The following CCSER1 variants were observed in gnomAD, a reference collection of about 807,000 sequenced individuals.
CCSER1 encodes the protein serine-rich coiled-coil domain-containing protein 1.
CCSER1 carries 41 observed loss-of-function variants against 82.0 expected under a neutral mutation model. That is an observed-to-expected ratio of 0.50 (90% CI 0.39 to 0.65). The LOEUF (loss-of-function observed/expected upper bound fraction) is 0.65, where lower values mean the gene tolerates loss of function less well. CCSER1 is among the 30% of genes least tolerant of loss of function. The pLI, the probability that CCSER1 is intolerant of heterozygous loss-of-function variation, is 0.00. For synonymous variants in CCSER1, 414 were observed against 383.9 expected (o/e 1.08, Z -0.92); for missense variants, 1,119 against 1,064.2 (o/e 1.05, Z -0.72).
chr4:91,064,405 A>G (rs1744192706), intron 9 of CCSER1, among the ~76,000 whole-genome samples: 1 of 152,220 alleles, frequency 6.6e-6, no homozygotes, highest in South Asian at 2.1e-4. Flanking sequence ...CACATCCAGC[A>G]AAGTCTGGAG....
intron 10 of CCSER1, among the ~76,000 whole-genome samples, chr4:91,549,869 C>T (rs1239215115): frequency 2.0e-5 from 3 of 151,792 alleles, no homozygotes; most frequent in Non-Finnish European, 4.4e-5. Flanking sequence ...TTCGGTGAGC[C>T]AGTGTCTACA....
chr4:91,169,958 A>C (rs1732581312), intron 10 of CCSER1, among the ~76,000 whole-genome samples: 1 of 152,218 alleles, frequency 6.6e-6, no homozygotes, highest in Non-Finnish European at 1.5e-5. Context: ...CCACTGTTGT[A>C]GTCACTATGG....
At chr4:91,101,502 G>A (rs1725048333) in intron 10 of CCSER1, among the ~76,000 whole-genome samples, 1 of 152,148 alleles carries the variant, frequency 6.6e-6, no homozygotes, top group African/African-American at 2.4e-5. Flanking sequence ...GGGCATGGTG[G>A]CATGTGCCTG....
At chr4:91,104,366 T>C (rs1445329578) in intron 10 of CCSER1, among the ~76,000 whole-genome samples, 1 of 152,174 alleles carries the variant, frequency 6.6e-6, no homozygotes, top group Non-Finnish European at 1.5e-5. Flanking sequence ...CTTGCTGGTT[T>C]TGAGGCTCAG....
intron 10 of CCSER1, among the ~76,000 whole-genome samples, chr4:91,515,672 A>G (rs2110126545): frequency 6.6e-6 from 1 of 152,138 alleles, no homozygotes; most frequent in Non-Finnish European, 1.5e-5. Flanking sequence ...ATATACACAC[A>G]TGTGTCTTTT....
At chr4:90,396,344 A>G (rs530986692) in intron 3 of CCSER1, among the ~76,000 whole-genome samples, 6 of 152,298 alleles carry the variant, frequency 3.9e-5, no homozygotes, top group African/African-American at 1.4e-4. Flanking sequence ...CATTGGTGCT[A>G]AACAGTTTTT....
chr4:90,482,312 CA>C (rs1334628094), intron 5 of CCSER1, among the ~76,000 whole-genome samples: 1 of 151,948 alleles, frequency 6.6e-6, no homozygotes, highest in African/African-American at 2.4e-5. Flanking sequence ...TTGATCTTTT[CA>C]AAAAACCAGC....
At position 90,321,505 on chromosome 4, in the gene CCSER1, A is replaced by G. The variant is rs182773666; in HGVS notation, c.1509+8458A>G. 2.2e-4 allele frequency among the ~76,000 whole-genome samples: 33 copies of G among 152,270 alleles called. No individual in the cohort carries two copies. In the East Asian group the frequency reaches 6.4e-3, roughly 29 times the overall value. On this transcript the variant is annotated intron_variant, in intron 3 of 10. Coordinates refer to ENST00000509176, the MANE Select transcript of CCSER1 (RefSeq NM_001145065.2). ...TTGATTGCATGTCCTGGCTATTGTG[A>G]ATAGTGCTGCAATAAACATGGGAGT... is the stretch of plus-strand genomic sequence containing the variant.
At chr4:91,399,412 G>GA (rs780217316) in intron 10 of CCSER1, among the ~76,000 whole-genome samples, 1 of 151,770 alleles carries the variant, frequency 6.6e-6, no homozygotes, top group South Asian at 2.1e-4. Flanking sequence ...GAAGTAGGAG[G>GA]AAATTTTAAA....
intron 10 of CCSER1, among the ~76,000 whole-genome samples, chr4:91,105,452 T>G (rs1680617425): frequency 6.6e-6 from 1 of 151,392 alleles, no homozygotes; most frequent in Non-Finnish European, 1.5e-5. Context: ...ATGCCTGTAA[T>G]CCCAGCACTT....
chr4:90,453,693 G>A (rs188632352), intron 4 of CCSER1, among the ~76,000 whole-genome samples: 52 of 152,284 alleles, frequency 3.4e-4, no homozygotes, highest in Admixed American at 1.3e-3. Flanking sequence ...GAGGAGTTGG[G>A]CTTTCAGGCA....
At chr4:90,174,947 G>C (rs1732393543) in intron 1 of CCSER1, among the ~76,000 whole-genome samples, 2 of 151,926 alleles carry the variant, frequency 1.3e-5, no homozygotes, top group South Asian at 4.1e-4. Flanking sequence ...AACTTTTCAG[G>C]TTCTTAAAAA....
chr4:91,088,419 G>C (rs1723595283), intron 10 of CCSER1, among the ~76,000 whole-genome samples: 1 of 152,078 alleles, frequency 6.6e-6, no homozygotes, highest in African/African-American at 2.4e-5. Flanking sequence ...ATTTAGCTAA[G>C]TGGTAAATAC....
At chr4:91,427,998 G>T (rs537006288) in intron 10 of CCSER1, among the ~76,000 whole-genome samples, 5 of 151,878 alleles carry the variant, frequency 3.3e-5, no homozygotes, top group Non-Finnish European at 7.4e-5. Flanking sequence ...TCTTGAAAGG[G>T]TATAAAAGTG....
At chr4:91,471,700 T>TG (rs1373353054) in intron 10 of CCSER1, among the ~76,000 whole-genome samples, 3 of 152,074 alleles carry the variant, frequency 2.0e-5, no homozygotes, top group Non-Finnish European at 4.4e-5. Flanking sequence ...GTTATAATTT[T>TG]TTGTGTGTGT....
chr4:91,082,192 G>A (rs1271620168), intron 9 of CCSER1, among the ~76,000 whole-genome samples: 2 of 152,112 alleles, frequency 1.3e-5, no homozygotes, highest in Non-Finnish European at 2.9e-5. Flanking sequence ...AACCAAAACG[G>A]CATGGTACTG....
chr4:91,006,375 T>C (rs1033123425), intron 9 of CCSER1, among the ~76,000 whole-genome samples: 1 of 42,590 alleles, frequency 2.3e-5, no homozygotes, highest in African/African-American at 5.5e-5. Context: ...TCACTAGTTC[T>C]AACAGTTTTT....
chr4:91,004,721 T>C (rs1738350333), intron 9 of CCSER1, among the ~76,000 whole-genome samples: 1 of 152,246 alleles, frequency 6.6e-6, no homozygotes, highest in South Asian at 2.1e-4. Flanking sequence ...CCTCTGCTTA[T>C]GAAAGCTTCT....
At chr4:90,629,414 G>T (rs1271219846) in intron 6 of CCSER1, among the ~76,000 whole-genome samples, 1 of 152,174 alleles carries the variant, frequency 6.6e-6, no homozygotes, top group Admixed American at 6.5e-5. Context: ...GGCGATGAAG[G>T]AGCAAAGTCA....
Sources: allele counts gnomAD v4.1 joint callset (sites outside exome capture counted in the v4.1 genomes callset), GRCh38; gene constraint gnomAD v4.1.1; transcripts MANE v1.5; gene names NCBI Gene and HGNC (gene_info 2026-07-23, HGNC 2026-07-21).